CPLX2: variants seen among roughly 807,000 people sequenced by gnomAD.
CPLX2 encodes the protein complexin 2, also known as complexin-2.
CPLX2 carries 5 observed loss-of-function variants against 16.3 expected under a neutral mutation model. The ratio of observed to expected loss-of-function variants is 0.31; its 90% confidence interval spans 0.16 to 0.64. The LOEUF (loss-of-function observed/expected upper bound fraction) is 0.64. Among genes scored for constraint, CPLX2 ranks in the 30% least tolerant of loss-of-function variants. The pLI is 0.79. For synonymous variants in CPLX2, 89 were observed against 73.2 expected (o/e 1.22, Z -1.10); for missense variants, 144 against 181.4 (o/e 0.79, Z 1.18).
At chr5:175,875,768 T>C (rs1759742581) in intron 1 of CPLX2, among the ~76,000 whole-genome samples, 1 of 152,098 alleles carries the variant, frequency 6.6e-6, no homozygotes, top group South Asian at 2.1e-4. Context: ...AGGAGACTGC[T>C]TAACAGCTCA....
rs569053189 is a variant in CPLX2, at chr5:175,872,512, T to TG, written c.-89+812dup. Among the ~76,000 whole-genome samples, 2 of 152,074 alleles carry TG rather than the reference T, an allele frequency of 1.3e-5. No homozygotes were observed. Among genetic ancestry groups the TG allele is most frequent in the Non-Finnish European group, 2.9e-5 (2 of 67,962 alleles). On this transcript the variant is annotated intron_variant, in intron 1 of 3. Coordinates refer to ENST00000393745, the MANE Select transcript of CPLX2 (RefSeq NM_001008220.2). This position sits in a 1 kb window ranked among gnomAD's most constrained non-coding sequence, Gnocchi z 5.0. Reference sequence around the variant, plus strand: ...ACCGGGAGATCCAGGACAGAGCTGCTGGGGGTGTGGGTCTCCGCGGGGGTC... The same window carrying TG: ...ACCGGGAGATCCAGGACAGAGCTGCTGGGGGGTGTGGGTCTCCGCGGGGGTC...
At chr5:175,821,864 T>C (rs999680329) in intron 2 of CPLX2, among the ~76,000 whole-genome samples, 3 of 152,208 alleles carry the variant, frequency 2.0e-5, no homozygotes, top group African/African-American at 7.2e-5. Flanking sequence ...AGATGAGTCA[T>C]GTACCTAAAT....
Position 175,879,076 on chromosome 5 carries a change from G to A in CPLX2, c.200G>A (p.Arg67Gln). Residue 67 changes from arginine (R) to glutamine (Q), a missense_variant, in exon 3 of 4, where the codon CGA becomes CAA. By Grantham distance (43) the Arg-to-Gln change is conservative. Transcript: ENST00000393745. Reference sequence around the variant, plus strand: ...CGGGAGAAGGTCCGGCAGCAGATCCGAGATAAGGTCAGCTCCGCCCGCCCG... The same window carrying A: ...CGGGAGAAGGTCCGGCAGCAGATCCAAGATAAGGTCAGCTCCGCCCGCCCG... ...AEREKVRQQI[R>Q]DKYGLKKKEE... 1.9e-6 allele frequency: 3 copies of A among 1,572,518 alleles called. No homozygotes were observed. The highest frequency in any genetic ancestry group is 2.6e-6 in the Non-Finnish European group (3 of 1,159,610).
At chr5:175,877,374 A>C (rs1181314779) in intron 1 of CPLX2, among the ~76,000 whole-genome samples, 1 of 152,184 alleles carries the variant, frequency 6.6e-6, no homozygotes. Flanking sequence ...AGAGAAATGA[A>C]GAAAATCTAT....
rs1490127337 is a variant in CPLX2 at position 175,814,467 on chromosome 5, T to C, written c.-89+5399T>C. 5.3e-5 allele frequency among the ~76,000 whole-genome samples: 8 copies of C among 152,108 alleles called. No individual in the cohort carries two copies. In the East Asian group the frequency reaches 1.5e-3, roughly 29 times the overall value. On this transcript the variant is annotated intron_variant, in intron 2 of 4. Transcript: ENST00000359546. ...GTCTTAATTAGAGGCTGTGGTCCAGTGGTTGATCATAACTTGGATTATCCA... is the reference window on the plus strand; with the variant it reads ...GTCTTAATTAGAGGCTGTGGTCCAGCGGTTGATCATAACTTGGATTATCCA...
intron 2 of CPLX2, among the ~76,000 whole-genome samples, chr5:175,843,928 C>T (rs1453824008): frequency 1.3e-5 from 2 of 152,242 alleles, no homozygotes; most frequent in Admixed American, 6.5e-5. Flanking sequence ...CCTCTGAGAC[C>T]TCCTTTCACC....
At chr5:175,871,425 G>GAC (rs1561790280), upstream of CPLX2, 81 of 108,060 alleles carry the variant, frequency 7.5e-4, 1 homozygote, top group African/African-American at 2.2e-3. Flanking sequence ...GAGAGAGAGA[G>GAC]AGAGAGACAG....
At chr5:175,873,333 C>G (rs1388053111) in intron 1 of CPLX2, among the ~76,000 whole-genome samples, 1 of 151,834 alleles carries the variant, frequency 6.6e-6, no homozygotes, top group Non-Finnish European at 1.5e-5. Flanking sequence ...CACACGGGGT[C>G]ATACTTTCAA....
rs1581104586 is a variant in CPLX2, at chr5:175,875,027, AC to A, written c.-89+3323del. On this transcript the variant is annotated intron_variant, in intron 1 of 3. Transcript: ENST00000393745. ...TTCAGCAGAGGGATGGAGGAGGATG[AC>A]GGCCGTGAAGACCCTCTTGAATCTG... Among the ~76,000 whole-genome samples the A allele has an allele frequency of 6.6e-5, 10 of 152,294 alleles. No individual in the cohort carries two copies. In the East Asian group the frequency reaches 1.9e-3, roughly 29 times the overall value.
intron 2 of CPLX2, among the ~76,000 whole-genome samples, chr5:175,859,736 T>A: frequency 6.6e-6 from 1 of 152,240 alleles, no homozygotes; most frequent in East Asian, 1.9e-4. Flanking sequence ...GAATTCCCTC[T>A]CTTTCAGTCA....
chr5:175,880,027 G>A lies in CPLX2; in HGVS notation c.387G>A (p.Gln129=), dbSNP rs1755533910. The stretch of plus-strand genomic sequence containing the variant: ...TCAAATACCTGCCCGGGCCGCTGCA[G>A]GACATGTTCAAGAAGTAACCAGGCC... ...TVLKYLPGPL[Q]DMFKK is the part of the protein sequence containing the mutation. The change falls in exon 4 of 4, where the codon CAG becomes CAA. Residue 129 remains glutamine, a synonymous_variant. Transcript: ENST00000393745. 1.2e-6 allele frequency: 2 copies of A among 1,613,124 alleles called. No homozygotes were observed. Among genetic ancestry groups the A allele is most frequent in the Admixed American group, 3.3e-5 (2 of 59,906 alleles).
At chr5:175,832,160 C>T (rs139399248) in intron 2 of CPLX2, among the ~76,000 whole-genome samples, 111 of 152,306 alleles carry the variant, frequency 7.3e-4, no homozygotes, top group African/African-American at 2.6e-3. Context: ...TAATTTTGAG[C>T]ATAGTCTCCA....
At chr5:175,851,435 A>G (rs1759152099) in intron 2 of CPLX2, among the ~76,000 whole-genome samples, 1 of 152,228 alleles carries the variant, frequency 6.6e-6, no homozygotes, top group Non-Finnish European at 1.5e-5. Flanking sequence ...AGGCACGTGC[A>G]GCTTGAGGTG....
intron 2 of CPLX2, among the ~76,000 whole-genome samples, chr5:175,835,175 A>G (rs1758806108): frequency 6.6e-6 from 1 of 152,252 alleles, no homozygotes; most frequent in Non-Finnish European, 1.5e-5. Context: ...AAAAACTGCC[A>G]CACCATCACA....
upstream of CPLX2, among the ~76,000 whole-genome samples, chr5:175,870,117 AT>A (rs1378971042): frequency 6.6e-6 from 1 of 152,186 alleles, no homozygotes; most frequent in Non-Finnish European, 1.5e-5. Flanking sequence ...CCCTCTTAGT[AT>A]CTGCCCTAGG....
chr5:175,871,405 AG>A (rs1759590876), upstream of CPLX2: 1 of 90,038 alleles, frequency 1.1e-5, no homozygotes, highest in Non-Finnish European at 2.2e-5. Context: ...AGAGAAAGAG[AG>A]AGAGGAGAGA....
At chr5:175,853,461 C>T (rs1759194206) in intron 2 of CPLX2, among the ~76,000 whole-genome samples, 1 of 152,130 alleles carries the variant, frequency 6.6e-6, no homozygotes, top group Admixed American at 6.5e-5. Flanking sequence ...GGCCTCAGTC[C>T]CACCCTGTCA....
intron 2 of CPLX2, among the ~76,000 whole-genome samples, chr5:175,864,065 C>T (rs570578249): frequency 1.3e-5 from 2 of 152,138 alleles, no homozygotes; most frequent in Non-Finnish European, 2.9e-5. Flanking sequence ...AATGCTATGC[C>T]TTGCCTGGGT....
chr5:175,843,907 TC>T (rs773228726), intron 2 of CPLX2, among the ~76,000 whole-genome samples: 1 of 152,198 alleles, frequency 6.6e-6, no homozygotes, highest in Non-Finnish European at 1.5e-5. Flanking sequence ...TCTGGGCAGG[TC>T]CCAGCCCCAC....
Sources: gnomAD v4.1 joint callset for allele counts (sites outside exome capture counted in the v4.1 genomes callset) on GRCh38, gnomAD v4.1.1 for gene constraint, Gnocchi (gnomAD v3.1) non-coding constraint, MANE v1.5 for transcripts, NCBI Gene and HGNC (gene_info 2026-07-23, HGNC 2026-07-21) for gene names.